Variants in TMEM178A observed in about 807,000 individuals in gnomAD.
The protein encoded by TMEM178A is transmembrane protein 178.
Under a neutral mutation model 29.1 loss-of-function variants are expected in TMEM178A, and 12 were observed. The observed-to-expected ratio is 0.41, with a 90% CI of 0.26 to 0.67. The LOEUF is 0.67. TMEM178A is among the 30% of genes least tolerant of loss of function. The pLI is 0.29. For missense variants in TMEM178A, 366 were observed against 419.1 expected (o/e 0.87, Z 1.11); for synonymous variants, 210 against 187.2 (o/e 1.12, Z -0.99).
At chr2:39,684,354 A>G (rs1670986283) in intron 1 of TMEM178A, among the ~76,000 whole-genome samples, 1 of 152,196 alleles carries the variant, frequency 6.6e-6, no homozygotes, top group Non-Finnish European at 1.5e-5. Flanking sequence ...AAGAAGGAAA[A>G]AAATAATCTG....
chr2:39,723,606 C>T, the TMEM178A span, among the ~76,000 whole-genome samples: 1 of 152,054 alleles, frequency 6.6e-6, no homozygotes, highest in African/African-American at 2.4e-5. Flanking sequence ...AGACTGAGTC[C>T]CTGGGTGAGG....
rs115432122 is a variant in TMEM178A at position 39,716,927 on chromosome 2, A to C, written c.653-83A>C. 1,212 of 1,491,806 alleles carry C rather than the reference A, an allele frequency of 8.1e-4. 9 individuals are homozygous for C. In the African/African-American group the frequency reaches 0.015, roughly 19 times the overall value. The allele number at this position is 1,491,806 out of a possible 1,614,324, so 92.4% of individuals were successfully genotyped here. On this transcript the variant is annotated intron_variant, in intron 3 of 3. Coordinates refer to ENST00000281961, the MANE Select transcript of TMEM178A (RefSeq NM_152390.3). Reference sequence around the variant, plus strand: ...AGTGACTGCCTCAGTGGTTGATCTGATTTTCATAAAGGCCTGTCTGGCATT... The same window carrying C: ...AGTGACTGCCTCAGTGGTTGATCTGCTTTTCATAAAGGCCTGTCTGGCATT...
intron 1 of TMEM178A, among the ~76,000 whole-genome samples, chr2:39,702,395 G>T (rs1035209837): frequency 2.0e-5 from 3 of 152,056 alleles, no homozygotes; most frequent in Admixed American, 6.6e-5. Context: ...TGCATGTTGG[G>T]TATGCCTTCA....
chr2:39,724,628 G>C, the TMEM178A span, among the ~76,000 whole-genome samples: 1 of 152,060 alleles, frequency 6.6e-6, no homozygotes, highest in African/African-American at 2.4e-5. Context: ...TTCCCTTTGA[G>C]AGACTGGTCG....
At chr2:39,722,626 G>C (rs530627322), downstream of TMEM178A, among the ~76,000 whole-genome samples, 3 of 152,200 alleles carry the variant, frequency 2.0e-5, no homozygotes, top group Admixed American at 6.5e-5. Context: ...TAGTGTTTGT[G>C]AATGAATGGG....
intron 3 of TMEM178A, among the ~76,000 whole-genome samples, chr2:39,716,096 T>C (rs1268210663): frequency 6.6e-6 from 1 of 152,208 alleles, no homozygotes; most frequent in Non-Finnish European, 1.5e-5. Context: ...ATGTGTAGGA[T>C]TCAGAACAGA....
intron 1 of TMEM178A, among the ~76,000 whole-genome samples, chr2:39,670,442 A>G (rs957575019): frequency 6.6e-6 from 1 of 152,214 alleles, no homozygotes; most frequent in African/African-American, 2.4e-5. Flanking sequence ...AGTATTTTCT[A>G]GTGGATTATA....
At chr2:39,706,136 G>A (rs944082890) in intron 2 of TMEM178A, among the ~76,000 whole-genome samples, 1 of 152,232 alleles carries the variant, frequency 6.6e-6, no homozygotes, top group Non-Finnish European at 1.5e-5. Flanking sequence ...CTTGTGTCCA[G>A]GTACACGTAG....
At chr2:39,669,067 G>C (rs1000117719) in intron 1 of TMEM178A, among the ~76,000 whole-genome samples, 2 of 152,132 alleles carry the variant, frequency 1.3e-5, no homozygotes, top group African/African-American at 4.8e-5. Flanking sequence ...TCTTCTATGA[G>C]TTACCTTGTT....
At chr2:39,711,140 C>G (rs1283237557) in intron 3 of TMEM178A, among the ~76,000 whole-genome samples, 1 of 152,218 alleles carries the variant, frequency 6.6e-6, no homozygotes, top group Admixed American at 6.5e-5. Flanking sequence ...CACACAGGCA[C>G]AGAAGCATAC....
rs772742698 is a variant in TMEM178A at position 39,666,352 on chromosome 2, C to G, written c.378C>G (p.Asp126Glu). 15 of 1,439,322 alleles carry G rather than the reference C, an allele frequency of 1.0e-5. No individual in the cohort carries two copies. The South Asian group carries it at 2.0e-4, about 20-fold the overall frequency. 89.2% of individuals were successfully genotyped at this position (1,439,322 alleles called of 1,614,324 possible). Residue 126 changes from aspartate (D) to glutamate (E), a missense_variant, in exon 1 of 4, where the codon GAC becomes GAG. This residue lies in a region of TMEM178A where 247 missense variants were observed against 246.8 expected (regional missense o/e 1.00). Transcript: ENST00000281961. Reference sequence around the variant, plus strand: ...GCTACTTCCTGGGCATCGACCGGGACATCGACACCCTCATCCTGAAAGGTG... The same window carrying G: ...GCTACTTCCTGGGCATCGACCGGGAGATCGACACCCTCATCCTGAAAGGTG... The part of the protein sequence containing the change: ...RKCYFLGIDR[D>E]IDTLILKGIA...
intron 1 of TMEM178A, among the ~76,000 whole-genome samples, chr2:39,670,181 G>C (rs1049431904): frequency 1.3e-5 from 2 of 152,230 alleles, no homozygotes; most frequent in Non-Finnish European, 2.9e-5. Context: ...CACTGGGAAT[G>C]TGGGGGGCGG....
chr2:39,716,941 C>T, intron 3 of TMEM178A, 69 bp from the exon 4 acceptor site: 2 of 1,536,376 alleles, frequency 1.3e-6, no homozygotes, highest in Non-Finnish European at 8.8e-7. Context: ...TCATAAAGGC[C>T]TGTCTGGCAT....
intron 1 of TMEM178A, among the ~76,000 whole-genome samples, chr2:39,675,771 A>G (rs945046539): frequency 6.6e-6 from 1 of 151,614 alleles, no homozygotes; most frequent in African/African-American, 2.4e-5. Context: ...GTTGTTATTT[A>G]TTTCTTAAAA....
chr2:39,704,663 C>G (rs1487029846), intron 2 of TMEM178A, among the ~76,000 whole-genome samples: 1 of 152,110 alleles, frequency 6.6e-6, no homozygotes, highest in Non-Finnish European at 1.5e-5. Flanking sequence ...GTCTACATCT[C>G]AATGAAAGGA....
intron 3 of TMEM178A, among the ~76,000 whole-genome samples, chr2:39,713,373 T>C (rs2215957): frequency 0.99 from 151,340 of 152,332 alleles, 75,209 homozygotes; most frequent in Middle Eastern, 1. Context: ...CATACTCACA[T>C]GTGTGTGGAA....
intron 1 of TMEM178A, among the ~76,000 whole-genome samples, chr2:39,689,370 A>T (rs1671219656): frequency 6.6e-6 from 1 of 152,116 alleles, no homozygotes; most frequent in Non-Finnish European, 1.5e-5. Context: ...GATCTAGTTT[A>T]GTTTCATTTT....
the TMEM178A span, among the ~76,000 whole-genome samples, chr2:39,724,044 C>A: frequency 6.6e-6 from 1 of 152,184 alleles, no homozygotes; most frequent in African/African-American, 2.4e-5. Context: ...TTTGTAAGCA[C>A]AGAATCTCTC....
At chr2:39,694,098 GAGTCTTGCCTTTA>G (rs1249658462) in intron 1 of TMEM178A, among the ~76,000 whole-genome samples, 37 of 151,054 alleles carry the variant, frequency 2.4e-4, no homozygotes, top group African/African-American at 8.5e-4. Flanking sequence ...GAACTCACCT[GAGTCTTGCCTTTA>G]AGTCTTGCCT....
Sources: allele counts gnomAD v4.1 joint callset (sites outside exome capture counted in the v4.1 genomes callset), GRCh38; gene constraint gnomAD v4.1.1; regional missense constraint gnomAD v4.1.1; transcripts MANE v1.5; gene names NCBI Gene and HGNC (gene_info 2026-07-23, HGNC 2026-07-21).